USP43: variants seen among roughly 807,000 people sequenced by gnomAD.
The protein encoded by USP43 is ubiquitin specific peptidase 43.
USP43 carries 33 observed loss-of-function variants against 90.7 expected under a neutral mutation model. The ratio of observed to expected loss-of-function variants is 0.36; its 90% CI spans 0.28 to 0.49. The LOEUF (loss-of-function observed/expected upper bound fraction) is 0.49. Among genes scored for constraint, USP43 ranks in the 20% least tolerant of loss-of-function variants. USP43 has a pLI of 0.98. For synonymous variants in USP43, 598 were observed against 615.8 expected (o/e 0.97, Z 0.43); for missense variants, 1,274 against 1,476.4 (o/e 0.86, Z 2.25).
In USP43 at chr17:9,726,836, G is replaced by A. The variant is rs189884029; in HGVS notation, c.2336-1118G>A. Reference sequence around the variant, plus strand: ...TCCAAATGTGTGTGACTGTCCTTGCGCCATGTAGGTTGTGTGTTTCAGTTG... The same window carrying A: ...TCCAAATGTGTGTGACTGTCCTTGCACCATGTAGGTTGTGTGTTTCAGTTG... On this transcript the variant is annotated intron_variant, in intron 14 of 14. Coordinates refer to ENST00000285199, the MANE Select transcript of USP43 (RefSeq NM_153210.5). Among the ~76,000 whole-genome samples, 7 of 152,298 alleles carry A rather than the reference G, an allele frequency of 4.6e-5. No individual in the cohort carries two copies. In the South Asian group the frequency reaches 6.2e-4, roughly 14 times the overall value.
rs1052192869 is a variant in USP43, at chr17:9,657,517, A to G, written c.636+983A>G. 1.1e-4 allele frequency among the ~76,000 whole-genome samples: 17 copies of G among 152,040 alleles called. 1 individual carries two copies. The highest frequency in any genetic ancestry group is 4.1e-4 in the African/African-American group (17 of 41,444). On this transcript the variant is annotated intron_variant, in intron 2 of 14. Transcript: ENST00000285199. ...TCCGTCTCAAAAAAAAAAGAAAAGA[A>G]AAAAAAGGAGACATACCTGAGACTG...
chr17:9,729,283 TAA>T lies in USP43; in HGVS notation c.*295_*296del, dbSNP rs550998332. ...TTTCAGGGCAAGAACTGATATTTAC[TAA>T]AGAGTTTTGGATGTGGGCAAACAAG... On this transcript the variant is annotated 3_prime_UTR_variant, in exon 15 of 15. Coordinates refer to ENST00000285199, the MANE Select transcript of USP43 (RefSeq NM_153210.5). 9.3e-4 allele frequency: 210 copies of T among 225,514 alleles called. 4 individuals are homozygous for T. In the East Asian group the frequency reaches 0.019, roughly 20 times the overall value. The allele number at this position is 225,514 out of a possible 1,614,324, so 14.0% of individuals were successfully genotyped here.
At chr17:9,660,671 C>T (rs887728373) in intron 2 of USP43, among the ~76,000 whole-genome samples, 7 of 152,198 alleles carry the variant, frequency 4.6e-5, no homozygotes, top group Non-Finnish European at 1.0e-4. Flanking sequence ...ATTCCAGACC[C>T]CTCTGCCCCT....
At chr17:9,665,736 C>T (rs1040090681) in intron 2 of USP43, among the ~76,000 whole-genome samples, 4 of 152,152 alleles carry the variant, frequency 2.6e-5, no homozygotes, top group Admixed American at 6.5e-5. Context: ...GCCCTAAATG[C>T]ACTACCAGTG....
chr17:9,717,363 G>A (rs1916644982), intron 14 of USP43, among the ~76,000 whole-genome samples: 2 of 66,958 alleles, frequency 3.0e-5, no homozygotes, highest in African/African-American at 1.5e-4. Context: ...TGGGCACAGT[G>A]TGTGTGTGTG....
chr17:9,685,551 T>G (rs968624057), intron 7 of USP43, among the ~76,000 whole-genome samples: 2 of 152,228 alleles, frequency 1.3e-5, no homozygotes, highest in Non-Finnish European at 2.9e-5. Flanking sequence ...AGTAATCTGT[T>G]TACACAGCAG....
At chr17:9,711,720 C>T (rs1490483225) in intron 13 of USP43, among the ~76,000 whole-genome samples, 2 of 152,310 alleles carry the variant, frequency 1.3e-5, no homozygotes, top group South Asian at 4.2e-4. Context: ...CGTGAGCCAC[C>T]GCGCCCAGCC....
intron 1 of USP43, among the ~76,000 whole-genome samples, chr17:9,655,487 A>G (rs1912178347): frequency 6.6e-6 from 1 of 152,208 alleles, no homozygotes; most frequent in Non-Finnish European, 1.5e-5. Flanking sequence ...GTTTTTTAGT[A>G]TGTGCATATA....
At chr17:9,653,207 A>C (rs996980448) in intron 1 of USP43, among the ~76,000 whole-genome samples, 1 of 152,222 alleles carries the variant, frequency 6.6e-6, no homozygotes, top group African/African-American at 2.4e-5. Flanking sequence ...CAGGTACTAT[A>C]GCCAGGCTAA....
chr17:9,720,626 T>C (rs1205139795), intron 14 of USP43, among the ~76,000 whole-genome samples: 1 of 151,948 alleles, frequency 6.6e-6, no homozygotes, highest in Non-Finnish European at 1.5e-5. Context: ...GTAGCTGGGA[T>C]TACAGGCATG....
chr17:9,670,009 G>A (rs992370151), intron 3 of USP43, among the ~76,000 whole-genome samples: 2 of 150,262 alleles, frequency 1.3e-5, no homozygotes, highest in African/African-American at 4.9e-5. Flanking sequence ...AGGAGGGAGT[G>A]ATCTAGTTCA....
chr17:9,677,702 A>G (rs1913879619), intron 5 of USP43, among the ~76,000 whole-genome samples: 1 of 152,176 alleles, frequency 6.6e-6, no homozygotes, highest in Admixed American at 6.5e-5. Flanking sequence ...TGTGTCCTTA[A>G]CTGTGACATG....
chr17:9,701,788 C>A lies in USP43; in HGVS notation c.2011+88C>A. ...ATGGGTGTTGCTCAGATGCTGAGCT[C>A]CCTGGGGCACTTATTGAGATCCGAC... is the stretch of plus-strand genomic sequence containing the variant. On this transcript the variant is annotated intron_variant, in intron 12 of 14. Transcript: ENST00000285199. This position sits in a 1 kb window ranked among gnomAD's most constrained non-coding sequence, Gnocchi z 7.2. The A allele has an allele frequency of 8.6e-7, 1 of 1,162,798 alleles. No individual in the cohort carries two copies. The highest frequency in any genetic ancestry group is 1.2e-6 in the Non-Finnish European group (1 of 845,582). 72.0% of individuals were successfully genotyped at this position (1,162,798 alleles called of 1,614,324 possible). A position where few individuals can be genotyped will look rare whatever the true frequency, so the allele number is the denominator to read the frequency against.
In USP43 at chr17:9,729,546, G is replaced by T. The variant is rs926047713; in HGVS notation, c.*556G>T. On this transcript the variant is annotated 3_prime_UTR_variant, in exon 15 of 15. Coordinates refer to ENST00000285199, the MANE Select transcript of USP43 (RefSeq NM_153210.5). The stretch of plus-strand genomic sequence containing the variant: ...GGGAGATAAATGGCTGAGAGTTCAG[G>T]TGAATATTTAATATATTAAAAATTG... 1 of 151,444 alleles carries T rather than the reference G, an allele frequency of 6.6e-6. No individual in the cohort carries two copies. Among genetic ancestry groups the T allele is most frequent in the Non-Finnish European group, 1.5e-5 (1 of 67,920 alleles). The allele number at this position is 151,444 out of a possible 1,614,324, so 9.4% of individuals were successfully genotyped here. A position where few individuals can be genotyped will look rare whatever the true frequency, so the allele number is the denominator to read the frequency against.
chr17:9,711,586 C>A (rs865815521), intron 13 of USP43, among the ~76,000 whole-genome samples: 1 of 152,060 alleles, frequency 6.6e-6, no homozygotes, highest in Non-Finnish European at 1.5e-5. Flanking sequence ...CCCACCACCA[C>A]GCCCAGCTAA....
intron 5 of USP43, 89 bp downstream of exon 5, chr17:9,676,970 TC>T: frequency 6.6e-7 from 1 of 1,511,220 alleles, no homozygotes; most frequent in Non-Finnish European, 8.9e-7. Flanking sequence ...AATTTGTGGT[TC>T]CCAGGTGACT....
rs1157080377 is a variant in USP43 at position 9,728,649 on chromosome 17, A to C, written c.3031A>C (p.Asn1011His). The C allele has an allele frequency of 6.2e-7, 1 of 1,613,688 alleles. No individual in the cohort carries two copies. The highest frequency in any genetic ancestry group is 2.2e-5 in the East Asian group (1 of 44,858). The change falls in exon 15 of 15, where the codon AAT (asparagine) becomes CAT (histidine). Residue 1011 changes from asparagine to histidine, a missense_variant. Asn to His is a moderately conservative substitution (Grantham distance 68). Coordinates refer to ENST00000285199, the MANE Select transcript of USP43 (RefSeq NM_153210.5). This position sits in a 1 kb window ranked among gnomAD's most constrained non-coding sequence, Gnocchi z 6.2. The part of the protein sequence containing the change: ...SVFRKKENRR[N>H]ERAEVSPQVP... ...GTTTCGGAAGAAGGAGAACAGGAGG[A>C]ATGAGAGGGCAGAGGTCTCTCCACA...
At chr17:9,660,900 C>T (rs749634618) in intron 2 of USP43, among the ~76,000 whole-genome samples, 4 of 152,208 alleles carry the variant, frequency 2.6e-5, no homozygotes, top group African/African-American at 4.8e-5. Flanking sequence ...GGGCTGCCTG[C>T]GGAGGCCCGG....
At position 9,676,872 on chromosome 17, in the gene USP43, T is replaced by A. The variant is rs772470689; in HGVS notation, c.960T>A (p.Pro320=). The change falls in exon 5 of 15, where the codon CCT becomes CCA. Residue 320 remains proline (P), a synonymous_variant. Transcript: ENST00000285199. ...RKMVAEEGGV[P]ADEVILVELY... ...TGGTTGCAGAGGAAGGAGGCGTCCC[T>A]GCAGATGAGGTGTGATAGAATTGCA... is the stretch of plus-strand genomic sequence containing the variant. 1.2e-6 allele frequency: 2 copies of A among 1,613,662 alleles called. No homozygotes were observed. The highest frequency in any genetic ancestry group is 1.7e-6 in the Non-Finnish European group (2 of 1,179,742).
Sources: gnomAD v4.1 joint callset for allele counts (sites outside exome capture counted in the v4.1 genomes callset) on GRCh38, gnomAD v4.1.1 for gene constraint, Gnocchi (gnomAD v3.1) non-coding constraint, MANE v1.5 for transcripts, NCBI Gene and HGNC (gene_info 2026-07-23, HGNC 2026-07-21) for gene names.